Variants in DLGAP2 observed in about 807,000 individuals in gnomAD.
DLGAP2 encodes the protein DLG associated protein 2.
In DLGAP2, 26 loss-of-function variants were observed where a neutral mutation model predicts 100.3. The ratio of observed to expected loss-of-function variants is 0.26; its 90% confidence interval spans 0.19 to 0.36. DLGAP2 has a LOEUF of 0.36. DLGAP2 is among the 10% of genes least tolerant of loss of function. DLGAP2 has a pLI of 1.00. For synonymous variants in DLGAP2, 886 were observed against 630.1 expected, an observed-to-expected ratio of 1.41 and a Z score of -6.08; for missense variants, 1,858 against 1,453.2, an observed-to-expected ratio of 1.28 and a Z score of -4.53.
intron 8 of DLGAP2, among the ~76,000 whole-genome samples, chr8:1,656,782 T>A (rs1563044673): frequency 6.6e-6 from 1 of 152,206 alleles, no homozygotes; most frequent in Non-Finnish European, 1.5e-5. Flanking sequence ...GTGATTAACC[T>A]TTTCTTCGTG....
rs568027171 is a variant in DLGAP2, at chr8:937,818, A to G, written c.73+29852A>G. 3.9e-5 allele frequency among the ~76,000 whole-genome samples: 6 copies of G among 152,188 alleles called. No individual in the cohort carries two copies. In the South Asian group the frequency reaches 1.2e-3, roughly 32 times the overall value. On this transcript the variant is annotated intron_variant, in intron 2 of 14. Coordinates refer to ENST00000637795, the MANE Select transcript of DLGAP2 (RefSeq NM_001346810.2). ...TAGGCCTCATTTTTCTCTTACCGAA[A>G]GTGAAGGAGTGGGATCGACTCTACG...
At position 1,287,439 on chromosome 8, in the gene DLGAP2, GGTT is replaced by G. The variant is rs1253530145; in HGVS notation, c.106+28560_106+28562del. Among the ~76,000 whole-genome samples the G allele has an allele frequency of 3.4e-4, 41 of 119,668 alleles. 1 individual carries two copies. The South Asian group carries it at 3.5e-3, about 10-fold the overall frequency. The allele number at this position is 119,668 out of a possible 152,430, so 78.5% of individuals were successfully genotyped here. ...TGGTTCAGCGTGTGTGTGTGTGTGT[GGTT>G]GTTAGGAGGGGAACTAGTTTCGGTT... On this transcript the variant is annotated intron_variant, in intron 3 of 14. Coordinates refer to ENST00000637795, the MANE Select transcript of DLGAP2 (RefSeq NM_001346810.2).
intron 3 of DLGAP2, among the ~76,000 whole-genome samples, chr8:1,434,438 G>A (rs997176013): frequency 1.3e-5 from 2 of 151,956 alleles, no homozygotes; most frequent in Non-Finnish European, 2.9e-5. Flanking sequence ...ACCCACCACT[G>A]GGTCACTGAG....
intron 13 of DLGAP2, among the ~76,000 whole-genome samples, chr8:1,693,135 A>C (rs1364052833): frequency 7.7e-6 from 1 of 130,438 alleles, no homozygotes; most frequent in Non-Finnish European, 1.6e-5. Flanking sequence ...GCTAAACATT[A>C]ACATATAACA....
In DLGAP2 at chr8:1,488,786, C is replaced by T. The variant is rs369017345; in HGVS notation, c.107-12580C>T. ...ATTCAGATGCTGTGTGTTCCCTCCTCTCAGGCAGCTGCAGTCAGTGACTAT... is the reference window on the plus strand; with the variant it reads ...ATTCAGATGCTGTGTGTTCCCTCCTTTCAGGCAGCTGCAGTCAGTGACTAT... On this transcript the variant is annotated intron_variant, in intron 3 of 14. Coordinates refer to ENST00000637795, the MANE Select transcript of DLGAP2 (RefSeq NM_001346810.2). Among the ~76,000 whole-genome samples, 24 of 152,322 alleles carry T rather than the reference C, an allele frequency of 1.6e-4. No individual in the cohort carries two copies. The South Asian group carries it at 3.3e-3, about 21-fold the overall frequency.
intron 4 of DLGAP2, among the ~76,000 whole-genome samples, chr8:1,525,495 G>C (rs1458236449): frequency 6.6e-6 from 1 of 152,190 alleles, no homozygotes; most frequent in Non-Finnish European, 1.5e-5. Context: ...GCAGAACAGG[G>C]AGGTGGGCAG....
intron 1 of DLGAP2, among the ~76,000 whole-genome samples, chr8:873,523 G>A (rs1469861804): frequency 6.6e-6 from 1 of 152,048 alleles, no homozygotes; most frequent in African/African-American, 2.4e-5. Context: ...CTTATTGCTT[G>A]TTTTTAATTA....
chr8:1,673,974 T>C (rs1380546254), intron 10 of DLGAP2, among the ~76,000 whole-genome samples: 2 of 152,214 alleles, frequency 1.3e-5, no homozygotes, highest in African/African-American at 4.8e-5. Flanking sequence ...ATGCCCCTGG[T>C]CATTGTTGTC....
chr8:1,580,491 C>G (rs1803188654), intron 6 of DLGAP2, among the ~76,000 whole-genome samples: 1 of 152,204 alleles, frequency 6.6e-6, no homozygotes, highest in South Asian at 2.1e-4. Context: ...AGAGAGCTAT[C>G]AAATGTTCTC....
chr8:931,321 G>A (rs953377366), intron 2 of DLGAP2, among the ~76,000 whole-genome samples: 8 of 152,256 alleles, frequency 5.3e-5, no homozygotes, highest in African/African-American at 9.6e-5. Context: ...CTCCCACGCT[G>A]AGGGAGCAGG....
At chr8:1,684,843 T>C (rs1050418847) in intron 12 of DLGAP2, among the ~76,000 whole-genome samples, 3 of 152,140 alleles carry the variant, frequency 2.0e-5, no homozygotes, top group Admixed American at 1.3e-4. Flanking sequence ...AATAATTCCA[T>C]TGAGATGCAA....
At chr8:824,796 G>T (rs1796655424) in intron 1 of DLGAP2, among the ~76,000 whole-genome samples, 1 of 152,148 alleles carries the variant, frequency 6.6e-6, no homozygotes, top group Non-Finnish European at 1.5e-5. Context: ...CAGGGATGTG[G>T]TCACACCCAC....
At chr8:926,236 C>G (rs990892525) in intron 2 of DLGAP2, among the ~76,000 whole-genome samples, 1 of 152,202 alleles carries the variant, frequency 6.6e-6, no homozygotes, top group Non-Finnish European at 1.5e-5. Flanking sequence ...ATGCTCCTGA[C>G]TGCTGACAGC....
At chr8:758,650 C>T (rs1820980664) in intron 1 of DLGAP2, among the ~76,000 whole-genome samples, 1 of 152,116 alleles carries the variant, frequency 6.6e-6, no homozygotes, top group Non-Finnish European at 1.5e-5. Context: ...CAGCTTCAAC[C>T]ACCTGGGCTC....
intron 1 of DLGAP2, among the ~76,000 whole-genome samples, chr8:801,098 C>T (rs964233317): frequency 1.3e-5 from 2 of 152,230 alleles, no homozygotes; most frequent in African/African-American, 4.8e-5. Flanking sequence ...TGCGTGTTCA[C>T]AGATCCCACT....
intron 3 of DLGAP2, among the ~76,000 whole-genome samples, chr8:1,412,674 G>A (rs1796766172): frequency 6.6e-6 from 1 of 152,166 alleles, no homozygotes; most frequent in African/African-American, 2.4e-5. Context: ...TCTTTGTGAA[G>A]GTCAGAGTCA....
At chr8:1,191,173 A>ATT (rs34977390) in intron 2 of DLGAP2, among the ~76,000 whole-genome samples, 2,175 of 140,348 alleles carry the variant, frequency 0.015, 63 homozygotes, top group African/African-American at 0.052. Context: ...AAGTAGATAC[A>ATT]TTTTTTTTTT....
At chr8:964,500 G>A (rs1799799944) in intron 2 of DLGAP2, among the ~76,000 whole-genome samples, 1 of 152,234 alleles carries the variant, frequency 6.6e-6, no homozygotes, top group African/African-American at 2.4e-5. Context: ...CTAACATGCT[G>A]TGCCTATCTC....
intron 2 of DLGAP2, among the ~76,000 whole-genome samples, chr8:976,877 G>A (rs1800178119): frequency 6.6e-6 from 1 of 152,312 alleles, no homozygotes; most frequent in South Asian, 2.1e-4. Context: ...TGTAGATTTA[G>A]TGATGACATT....
Sources: gnomAD v4.1 joint callset for allele counts (sites outside exome capture counted in the v4.1 genomes callset) on GRCh38, gnomAD v4.1.1 for gene constraint, MANE v1.5 for transcripts, NCBI Gene and HGNC (gene_info 2026-07-23, HGNC 2026-07-21) for gene names.